TBL1X: variants seen among roughly 807,000 people sequenced by gnomAD.
TBL1X encodes F-box-like/WD repeat-containing protein TBL1X.
A neutral mutation model predicts 50.7 loss-of-function variants in TBL1X; 10 were observed. The ratio of observed to expected loss-of-function variants is 0.20; its 90% CI spans 0.12 to 0.33. The LOEUF (loss-of-function observed/expected upper bound fraction) is 0.33, where lower values mean the gene tolerates loss of function less well. Ranked by LOEUF, TBL1X falls within the 10% of genes least tolerant of loss-of-function variation. The pLI is 1.00. For missense variants in TBL1X, 340 were observed against 504.4 expected, an observed-to-expected ratio of 0.67 and a Z score of 3.12; for synonymous variants, 190 against 214.7, an observed-to-expected ratio of 0.88 and a Z score of 1.01.
chrX:9,642,614 G>GACTTCC (rs1157928550), intron 3 of TBL1X, among the ~76,000 whole-genome samples: 1 of 112,067 alleles, frequency 8.9e-6, no homozygotes, highest in African/African-American at 3.2e-5. Context: ...TCCAAGCCGA[G>GACTTCC]AAGGGACTAG....
chrX:9,664,512 C>T (rs2082915922), intron 5 of TBL1X, among the ~76,000 whole-genome samples: 1 of 110,583 alleles, frequency 9.0e-6, no homozygotes. Flanking sequence ...ACGGACATTG[C>T]TTGAATGTTT....
rs2083292438 is a variant in TBL1X, at chrX:9,718,602, T to C, written c.*2356T>C. 8.9e-6 allele frequency: 1 copy of C among 111,912 alleles called. No individual in the cohort carries two copies. The highest frequency in any genetic ancestry group is 1.9e-5 in the Non-Finnish European group (1 of 53,200). 9.2% of individuals were successfully genotyped at this position (111,912 alleles called of 1,213,427 possible). A position where few individuals can be genotyped will look rare whatever the true frequency, so the allele number is the denominator to read the frequency against. On this transcript the variant is annotated 3_prime_UTR_variant, in exon 18 of 18. Coordinates refer to ENST00000645353, the MANE Select transcript of TBL1X (RefSeq NM_005647.4). ...ACCCAAATAAAAATGCACTCATCTC[T>C]GTAGAACATCTGCTGTCAAAGGCCA...
At chrX:9,701,854 A>G (rs1290867901) in intron 12 of TBL1X, among the ~76,000 whole-genome samples, 1 of 111,733 alleles carries the variant, frequency 8.9e-6, no homozygotes, top group African/African-American at 3.3e-5. Context: ...GAACGAAGAA[A>G]ATGCGTCAAG....
intron 2 of TBL1X, among the ~76,000 whole-genome samples, chrX:9,555,149 C>T (rs986894851): frequency 1.8e-5 from 2 of 111,232 alleles, no homozygotes; most frequent in African/African-American, 3.3e-5. Context: ...GATCATAGCT[C>T]GGTGCAGCCT....
At chrX:9,546,115 CTG>C (rs1401335520) in intron 2 of TBL1X, among the ~76,000 whole-genome samples, 2 of 112,079 alleles carry the variant, frequency 1.8e-5, no homozygotes, top group Non-Finnish European at 3.8e-5. Flanking sequence ...AATGAGTAAT[CTG>C]TGCTATGATA....
At chrX:9,713,555 G>A (rs1389682620) in intron 16 of TBL1X, among the ~76,000 whole-genome samples, 1 of 105,348 alleles carries the variant, frequency 9.5e-6, no homozygotes, top group Non-Finnish European at 1.9e-5. Context: ...AGCCTCCCGA[G>A]TAGCTGGGAT....
chrX:9,686,577 T>C, intron 6 of TBL1X, among the ~76,000 whole-genome samples: 4 of 112,309 alleles, frequency 3.6e-5, no homozygotes, highest in Admixed American at 2.8e-4. Flanking sequence ...CACATGCTCG[T>C]AACCCCAGCT....
Position 9,630,983 on chromosome X carries a change from T to C in TBL1X, c.-130-9290T>C, listed in dbSNP as rs900261239. Among the ~76,000 whole-genome samples, 4 of 108,139 alleles carry C rather than the reference T, an allele frequency of 3.7e-5. No homozygotes were observed. In the East Asian group the frequency reaches 1.1e-3, roughly 30 times the overall value. The allele number at this position is 108,139 out of a possible 115,157, so 93.9% of individuals were successfully genotyped here. On this transcript the variant is annotated intron_variant, in intron 2 of 17. Coordinates refer to ENST00000645353, the MANE Select transcript of TBL1X (RefSeq NM_005647.4). Reference sequence around the variant, plus strand: ...CAACATATAATCAATATATAACATATATGAGATATATGGATAATATATATA... The same window carrying C: ...CAACATATAATCAATATATAACATACATGAGATATATGGATAATATATATA...
intron 13 of TBL1X, 101 bp downstream of exon 13, chrX:9,705,215 A>C: frequency 1.7e-6 from 2 of 1,150,725 alleles, no homozygotes; most frequent in East Asian, 6.3e-5. Flanking sequence ...GCAGCAGACC[A>C]GCTCTAATGT....
intron 2 of TBL1X, among the ~76,000 whole-genome samples, chrX:9,590,811 C>T (rs1215700583): frequency 1.8e-5 from 2 of 111,013 alleles, no homozygotes; most frequent in Admixed American, 9.6e-5. Flanking sequence ...CTGCAGCATA[C>T]TTCATTTGAT....
At position 9,498,731 on chromosome X, in the gene TBL1X, C is replaced by A. The variant is rs184279856; in HGVS notation, c.-200-3049C>A. Among the ~76,000 whole-genome samples the A allele has an allele frequency of 8.4e-3, 947 of 112,494 alleles. 9 individuals carry two copies. Among genetic ancestry groups the A allele is most frequent in the African/African-American group, 0.029 (896 of 31,009 alleles). On this transcript the variant is annotated intron_variant, in intron 1 of 17. Coordinates refer to ENST00000645353, the MANE Select transcript of TBL1X (RefSeq NM_005647.4). ...GCCTGTGGGGGAATCACATGCCCCC[C>A]CACTCTAGTGCCCATTGGGGACATG...
At chrX:9,631,455 C>CT (rs1485816176) in intron 2 of TBL1X, among the ~76,000 whole-genome samples, 1 of 112,353 alleles carries the variant, frequency 8.9e-6, no homozygotes, top group African/African-American at 3.2e-5. Flanking sequence ...TAAATTGCGG[C>CT]TTTTTTGTGA....
Position 9,465,464 on chromosome X carries a change from C to T in TBL1X, c.-201+17C>T, listed in dbSNP as rs2081765693. 9.0e-6 allele frequency: 1 copy of T among 111,500 alleles called. No homozygotes were observed. 9.2% of individuals were successfully genotyped at this position (111,500 alleles called of 1,213,427 possible). A position where few individuals can be genotyped will look rare whatever the true frequency, so the allele number is the denominator to read the frequency against. ...CGCGACGAGGTGAGTGCGCAGGGCT[C>T]GGCGGGCCGGGCGCGGGGTCCGCAA... On this transcript the variant is annotated intron_variant, in intron 1 of 17. Coordinates refer to ENST00000645353, the MANE Select transcript of TBL1X (RefSeq NM_005647.4).
Position 9,681,797 on chromosome X carries a change from C to G in TBL1X, c.212-2246C>G, listed in dbSNP as rs186925729. ...TGGTTTCTGGCACCCAGGCTTAGATCTCAGCCCCACCCCTACAAACTGAGC... is the reference window on the plus strand; with the variant it reads ...TGGTTTCTGGCACCCAGGCTTAGATGTCAGCCCCACCCCTACAAACTGAGC... On this transcript the variant is annotated intron_variant, in intron 5 of 17. Coordinates refer to ENST00000645353, the MANE Select transcript of TBL1X (RefSeq NM_005647.4). Among the ~76,000 whole-genome samples the G allele has an allele frequency of 8.0e-5, 9 of 112,848 alleles. No homozygotes were observed. The East Asian group carries it at 2.5e-3, about 32-fold the overall frequency.
chrX:9,511,250 G>C (rs891835764), intron 2 of TBL1X, among the ~76,000 whole-genome samples: 2 of 112,171 alleles, frequency 1.8e-5, no homozygotes, highest in African/African-American at 3.2e-5. Flanking sequence ...TGATAATCAC[G>C]GTCTTTCATT....
chrX:9,483,221 A>G (rs1441573306), intron 1 of TBL1X, among the ~76,000 whole-genome samples: 1 of 111,935 alleles, frequency 8.9e-6, no homozygotes, highest in East Asian at 2.8e-4. Flanking sequence ...TGAGGTATTT[A>G]CATCCTCCAT....
Position 9,465,342 on chromosome X carries a change from C to T in TBL1X, c.-306C>T, listed in dbSNP as rs1245781002. 1.3e-4 allele frequency: 14 copies of T among 108,599 alleles called. No individual in the cohort carries two copies. In the South Asian group the frequency reaches 2.3e-3, roughly 18 times the overall value. 8.9% of individuals were successfully genotyped at this position (108,599 alleles called of 1,213,427 possible). A position where few individuals can be genotyped will look rare whatever the true frequency, so the allele number is the denominator to read the frequency against. On this transcript the variant is annotated 5_prime_UTR_variant, in exon 1 of 18. Coordinates refer to ENST00000645353, the MANE Select transcript of TBL1X (RefSeq NM_005647.4). ...CGCGGCTGCTCCGGGGCGCCGGGCC[C>T]TCTTCGGCCGCCGCACGGCCGGGAC...
intron 17 of TBL1X, 31 bp downstream of exon 17, chrX:9,715,034 G>C (rs776165848): frequency 8.6e-7 from 1 of 1,160,936 alleles, no homozygotes; most frequent in African/African-American, 1.8e-5. Flanking sequence ...GCTGGGGAGT[G>C]GGGTGTTGGG....
At chrX:9,521,072 T>C (rs1334916888) in intron 2 of TBL1X, among the ~76,000 whole-genome samples, 1 of 110,794 alleles carries the variant, frequency 9.0e-6, no homozygotes, top group Non-Finnish European at 1.9e-5. Flanking sequence ...CGCACCGGCC[T>C]GGGTGACAGA....
Sources: gnomAD v4.1 joint callset for allele counts (sites outside exome capture counted in the v4.1 genomes callset) on GRCh38, gnomAD v4.1.1 for gene constraint, MANE v1.5 for transcripts, NCBI Gene and HGNC (gene_info 2026-07-23, HGNC 2026-07-21) for gene names.